Variants in ASIC2 observed in about 807,000 individuals in gnomAD.
The protein encoded by ASIC2 is acid sensing ion channel subunit 2, also known as acid-sensing ion channel 2.
A neutral mutation model predicts 57.3 loss-of-function variants in ASIC2; 25 were observed. The ratio of observed to expected loss-of-function variants is 0.44; its 90% CI spans 0.32 to 0.61. The LOEUF is 0.61. Ranked by LOEUF, ASIC2 falls within the 20% of genes least tolerant of loss-of-function variation. The probability of loss-of-function intolerance (pLI) is 0.06; values close to 1 mark genes in which losing one functional copy is unlikely to be tolerated. For synonymous variants in ASIC2, 319 were observed against 307.5 expected, an observed-to-expected ratio of 1.04 and a Z score of -0.39; for missense variants, 641 against 738.1, an observed-to-expected ratio of 0.87 and a Z score of 1.52.
At chr17:33,751,714 A>T (rs1165421781) in intron 1 of ASIC2, among the ~76,000 whole-genome samples, 1 of 152,034 alleles carries the variant, frequency 6.6e-6, no homozygotes, top group Non-Finnish European at 1.5e-5. Flanking sequence ...GATTTCATTT[A>T]ATTCTAGTTT....
intron 1 of ASIC2, among the ~76,000 whole-genome samples, chr17:33,747,930 T>A (rs547565011): frequency 1.3e-5 from 2 of 152,340 alleles, no homozygotes; most frequent in Admixed American, 1.3e-4. Flanking sequence ...AAGAAGCCAG[T>A]GCTAATTCAG....
At chr17:33,688,945 T>G (rs542057642) in intron 1 of ASIC2, 1 of 152,206 alleles carries the variant, frequency 6.6e-6, no homozygotes, top group Non-Finnish European at 1.5e-5. Flanking sequence ...TGGCACCTGA[T>G]GTGCACAGCT....
chr17:33,064,426 T>G (rs1421859245), intron 3 of ASIC2, among the ~76,000 whole-genome samples: 1 of 152,216 alleles, frequency 6.6e-6, no homozygotes, highest in Non-Finnish European at 1.5e-5. Context: ...GGAGGTCCAC[T>G]CCAGACCCTG....
chr17:33,155,313 T>C (rs1904957619), intron 1 of ASIC2, among the ~76,000 whole-genome samples: 1 of 152,260 alleles, frequency 6.6e-6, no homozygotes, highest in Non-Finnish European at 1.5e-5. Context: ...CAAGGGTTCC[T>C]GATGCCAGGA....
At chr17:33,751,245 C>T (rs1281012336) in intron 1 of ASIC2, among the ~76,000 whole-genome samples, 2 of 152,214 alleles carry the variant, frequency 1.3e-5, no homozygotes, top group African/African-American at 4.8e-5. Context: ...TCATAGCTTG[C>T]TGCTACCTTG....
rs145300626 is a variant in ASIC2, at chr17:33,826,444, G to A, written c.555+329534C>T. On this transcript the variant is annotated intron_variant, in intron 1 of 9. Transcript: ENST00000359872. ...AACCATCTGTCCACCAACCATATGC[G>A]AGGTCCCGTGATCTCAGACTGAATT... Among the ~76,000 whole-genome samples, 1,208 of 152,272 alleles carry A rather than the reference G, an allele frequency of 7.9e-3. 21 individuals are homozygous for A. The highest frequency in any genetic ancestry group is 0.027 in the African/African-American group (1,124 of 41,534).
At chr17:33,903,230 C>T (rs1915268644) in intron 1 of ASIC2, among the ~76,000 whole-genome samples, 2 of 152,212 alleles carry the variant, frequency 1.3e-5, no homozygotes, top group Non-Finnish European at 2.9e-5. Flanking sequence ...CTTTCTCTCT[C>T]ATGGTGCAGA....
intron 1 of ASIC2, among the ~76,000 whole-genome samples, chr17:33,971,351 G>T (rs1452899350): frequency 6.6e-6 from 1 of 152,100 alleles, no homozygotes; most frequent in African/African-American, 2.4e-5. Context: ...CCTTCAGAAG[G>T]CTTGAGAGAA....
chr17:33,339,797 C>G (rs1330307633), intron 1 of ASIC2, among the ~76,000 whole-genome samples: 1 of 152,160 alleles, frequency 6.6e-6, no homozygotes, highest in East Asian at 1.9e-4. Context: ...ACTTTGACAT[C>G]TTTTTAGTTG....
chr17:33,988,729 G>A (rs1905908465), intron 1 of ASIC2, among the ~76,000 whole-genome samples: 1 of 151,804 alleles, frequency 6.6e-6, no homozygotes, highest in African/African-American at 2.4e-5. Context: ...TCTCCTCACA[G>A]GCCTGCCCTG....
At chr17:33,076,614 A>C (rs1157198486) in intron 3 of ASIC2, among the ~76,000 whole-genome samples, 1 of 152,262 alleles carries the variant, frequency 6.6e-6, no homozygotes, top group Admixed American at 6.5e-5. Context: ...ATATGCATAC[A>C]TGCACATTTA....
intron 1 of ASIC2, among the ~76,000 whole-genome samples, chr17:33,799,415 CTT>C (rs1409362347): frequency 1.5e-5 from 1 of 64,742 alleles, no homozygotes; most frequent in African/African-American, 6.1e-5. Context: ...TTCTTTCTTT[CTT>C]TCTTTCTTTC....
intron 9 of ASIC2, 121 bp downstream of exon 9, chr17:33,015,850 C>T: frequency 9.6e-7 from 1 of 1,045,196 alleles, no homozygotes; most frequent in Non-Finnish European, 1.4e-6. Context: ...ACAGCATGTC[C>T]CAAGCCATGG....
intron 1 of ASIC2, among the ~76,000 whole-genome samples, chr17:33,913,056 C>T (rs974049678): frequency 4.0e-5 from 6 of 151,612 alleles, no homozygotes; most frequent in African/African-American, 1.5e-4. Flanking sequence ...TTTTGAGCAG[C>T]ACTTCCAGCT....
chr17:33,015,837 C>T lies in ASIC2; in HGVS notation c.1590+134G>A, dbSNP rs142539377. On this transcript the variant is annotated intron_variant, in intron 9 of 9. Transcript: ENST00000225823. ...GCTGGAGTGTCCTTGGATTTGGGAA[C>T]TGACAGCATGTCCCAAGCCATGGAA... 7 of 890,704 alleles carry T rather than the reference C, an allele frequency of 7.9e-6. No individual in the cohort carries two copies. In the African/African-American group the frequency reaches 8.3e-5, roughly 11 times the overall value. 55.2% of individuals were successfully genotyped at this position (890,704 alleles called of 1,614,324 possible).
At chr17:33,293,916 TTG>T (rs890001902), upstream of ASIC2, among the ~76,000 whole-genome samples, 12 of 151,620 alleles carry the variant, frequency 7.9e-5, no homozygotes, top group African/African-American at 2.2e-4. Context: ...TTGGTGTGTT[TTG>T]TGTGTGTGTG....
intron 1 of ASIC2, among the ~76,000 whole-genome samples, chr17:33,306,879 C>G (rs140312270): frequency 2.4e-3 from 372 of 152,290 alleles, no homozygotes; most frequent in Admixed American, 4.3e-3. Flanking sequence ...TATTGATCCT[C>G]ACAGCTTTTG....
At chr17:33,015,247 G>C (rs1020807954) in intron 9 of ASIC2, among the ~76,000 whole-genome samples, 1 of 152,214 alleles carries the variant, frequency 6.6e-6, no homozygotes, top group African/African-American at 2.4e-5. Context: ...GGGGCCCAAG[G>C]CTGGATGGGG....
intron 1 of ASIC2, among the ~76,000 whole-genome samples, chr17:33,786,402 A>G (rs1215447480): frequency 3.3e-5 from 5 of 152,164 alleles, no homozygotes; most frequent in African/African-American, 1.2e-4. Context: ...GAAGTAGTAA[A>G]TGATGAATTA....
Sources: allele counts gnomAD v4.1 joint callset (sites outside exome capture counted in the v4.1 genomes callset), GRCh38; gene constraint gnomAD v4.1.1; transcripts MANE v1.5; gene names NCBI Gene and HGNC (gene_info 2026-07-23, HGNC 2026-07-21).